The following RIMBP2 variants were observed in gnomAD, a reference collection of about 807,000 sequenced individuals.
The protein encoded by RIMBP2 is RIMS-binding protein 2.
In RIMBP2, 48 loss-of-function variants were observed where a neutral mutation model predicts 118.6. That is an observed-to-expected ratio of 0.40 (90% confidence interval 0.32 to 0.51). The LOEUF is 0.51. Ranked by LOEUF, RIMBP2 falls within the 20% of genes least tolerant of loss-of-function variation. The pLI is 0.41. For missense variants in RIMBP2, 1,551 were observed against 1,768.3 expected (o/e 0.88, Z 2.20); for synonymous variants, 762 against 742.9 (o/e 1.03, Z -0.42).
chr12:130,425,181 T>C, intron 15 of RIMBP2: 1 of 233,828 alleles, frequency 4.3e-6, no homozygotes, highest in Admixed American at 5.7e-5. Context: ...GTGCCCACGG[T>C]ACCGCTGCTG....
At chr12:130,696,754 C>T (rs1233498172) in intron 1 of RIMBP2, among the ~76,000 whole-genome samples, 2 of 152,200 alleles carry the variant, frequency 1.3e-5, no homozygotes, top group Non-Finnish European at 2.9e-5. Flanking sequence ...AATAAGTGTG[C>T]TATTCTGTAA....
intron 2 of RIMBP2, among the ~76,000 whole-genome samples, chr12:130,594,232 G>A (rs1325671911): frequency 6.6e-6 from 1 of 152,200 alleles, no homozygotes; most frequent in African/African-American, 2.4e-5. Context: ...AAAGATCCCC[G>A]ACTCCCAATT....
At chr12:130,641,224 A>ATTTC (rs1036768450) in intron 1 of RIMBP2, among the ~76,000 whole-genome samples, 1 of 152,158 alleles carries the variant, frequency 6.6e-6, no homozygotes, top group African/African-American at 2.4e-5. Flanking sequence ...AAGGACAGAA[A>ATTTC]GCTAAATCGT....
intron 1 of RIMBP2, among the ~76,000 whole-genome samples, chr12:130,639,487 C>CAAAAAAAAAA (rs138670754): frequency 1.0e-4 from 9 of 88,060 alleles, no homozygotes; most frequent in African/African-American, 3.9e-4. Context: ...GATCCTGCCT[C>CAAAAAAAAAA]AAAAAAAAAA....
At chr12:130,569,506 C>A (rs1043487959) in intron 2 of RIMBP2, among the ~76,000 whole-genome samples, 1 of 152,210 alleles carries the variant, frequency 6.6e-6, no homozygotes, top group Non-Finnish European at 1.5e-5. Flanking sequence ...AACTGACATG[C>A]GCTATGGTTT....
rs1174782557 is a variant in RIMBP2, at chr12:130,437,277, G to A, written c.1671C>T (p.Ile557=). 1 of 1,578,158 alleles carries A rather than the reference G, an allele frequency of 6.3e-7. No homozygotes were observed. The highest frequency in any genetic ancestry group is 1.8e-5 in the Admixed American group (1 of 57,080). The change falls in exon 13 of 23, where the codon ATC becomes ATT. Residue 557 remains isoleucine (I), a synonymous_variant. Coordinates refer to ENST00000690449, the MANE Select transcript of RIMBP2 (RefSeq NM_001393629.1). ...YAKGQRVAEV[I]FPTADSTAVE... is the part of the protein sequence containing the mutation. ...CGGCCGTGCTGTCTGCCGTGGGGAAGATGACTTCAGCCACCTGTGGACAAG... is the reference window on the plus strand; with the variant it reads ...CGGCCGTGCTGTCTGCCGTGGGGAAAATGACTTCAGCCACCTGTGGACAAG...
At chr12:130,636,808 C>T (rs1287981900) in intron 1 of RIMBP2, among the ~76,000 whole-genome samples, 24 of 152,170 alleles carry the variant, frequency 1.6e-4, no homozygotes, top group Admixed American at 1.6e-3. Flanking sequence ...CTGGATCAAG[C>T]TGTAACTGAA....
At chr12:130,615,584 T>C (rs1014934431) in intron 2 of RIMBP2, among the ~76,000 whole-genome samples, 1 of 151,926 alleles carries the variant, frequency 6.6e-6, no homozygotes, top group African/African-American at 2.4e-5. Flanking sequence ...AGTGCTGGGA[T>C]TATAGGTGTG....
intron 17 of RIMBP2, among the ~76,000 whole-genome samples, chr12:130,418,098 G>C (rs1324873985): frequency 6.6e-6 from 1 of 152,166 alleles, no homozygotes; most frequent in East Asian, 1.9e-4. Context: ...CAAACCGTTT[G>C]GCCTCTTTCA....
chr12:130,433,820 C>A lies in RIMBP2; in HGVS notation c.2253+914G>T, dbSNP rs188386606. ...GACGAGACAGAACTCAGACCCCTGACACACTGAGAGCCAAAAATCCACCTC... is the reference window on the plus strand; with the variant it reads ...GACGAGACAGAACTCAGACCCCTGAAACACTGAGAGCCAAAAATCCACCTC... On this transcript the variant is annotated intron_variant, in intron 14 of 22. Transcript: ENST00000690449. 2.6e-3 allele frequency among the ~76,000 whole-genome samples: 403 copies of A among 152,354 alleles called. 4 individuals carry two copies. The highest frequency in any genetic ancestry group is 9.5e-3 in the African/African-American group (393 of 41,580).
intron 7 of RIMBP2, among the ~76,000 whole-genome samples, chr12:130,453,824 C>T (rs148353862): frequency 1.3e-5 from 2 of 152,296 alleles, no homozygotes; most frequent in African/African-American, 4.8e-5. Flanking sequence ...GAGACCGAGG[C>T]AGGTAGATCA....
intron 2 of RIMBP2, among the ~76,000 whole-genome samples, chr12:130,531,162 T>A (rs1567993): frequency 2.1e-4 from 32 of 152,212 alleles, no homozygotes; most frequent in African/African-American, 7.5e-4. Flanking sequence ...CCAGATGGAT[T>A]TTTTCAGATA....
chr12:130,537,573 C>T (rs906795085), intron 2 of RIMBP2, among the ~76,000 whole-genome samples: 10 of 152,174 alleles, frequency 6.6e-5, no homozygotes, highest in Admixed American at 1.3e-4. Flanking sequence ...TCTGTGGGGT[C>T]ATCGGGAAGG....
Position 130,604,652 on chromosome 12 carries a change from C to T in RIMBP2, c.-217+23670G>A, listed in dbSNP as rs1295127906. On this transcript the variant is annotated intron_variant, in intron 2 of 22. Transcript: ENST00000690449. Reference sequence around the variant, plus strand: ...AGGCTGGAGTGCAGTGGCACGATCTCGGCTCACTGCAAGCTTTGCCTCCCG... The same window carrying T: ...AGGCTGGAGTGCAGTGGCACGATCTTGGCTCACTGCAAGCTTTGCCTCCCG... 3.7e-5 allele frequency among the ~76,000 whole-genome samples: 2 copies of T among 54,156 alleles called. 1 individual carries two copies. Among genetic ancestry groups the T allele is most frequent in the Non-Finnish European group, 7.1e-5 (2 of 28,362 alleles). The allele number at this position is 54,156 out of a possible 152,430, so 35.5% of individuals were successfully genotyped here. A position where few individuals can be genotyped will look rare whatever the true frequency, so the allele number is the denominator to read the frequency against.
chr12:130,482,752 T>C (rs1201639411), intron 4 of RIMBP2, among the ~76,000 whole-genome samples: 1 of 149,476 alleles, frequency 6.7e-6, no homozygotes, highest in African/African-American at 2.5e-5. Context: ...ATTGTGTGTG[T>C]ACATGTGTCA....
intron 22 of RIMBP2, chr12:130,399,050 C>A: frequency 1.2e-6 from 1 of 835,964 alleles, no homozygotes; most frequent in Non-Finnish European, 1.7e-6. Context: ...TTAAGTCTAC[C>A]ACACTGGCCC....
Position 130,445,191 on chromosome 12 carries a change from A to G in RIMBP2, c.660T>C (p.Tyr220=). The G allele has an allele frequency of 6.2e-7, 1 of 1,612,440 alleles. No individual in the cohort carries two copies. ...AGAACCCATCCTCATCCATGTCTCC[A>G]TAGACGTAGAGGTATTTTCCCGCCG... The part of the protein sequence containing the change: ...PLTAGKYLYV[Y]GDMDEDGFYE... Residue 220 remains tyrosine (Y), a synonymous_variant, in exon 10 of 23, where the codon TAT becomes TAC. Coordinates refer to ENST00000690449, the MANE Select transcript of RIMBP2 (RefSeq NM_001393629.1).
rs147881182 is a variant in RIMBP2, at chr12:130,442,576, G to A, written c.776C>T (p.Thr259Met). 65 of 1,614,198 alleles carry A rather than the reference G, an allele frequency of 4.0e-5. No individual in the cohort carries two copies. The highest frequency in any genetic ancestry group is 9.9e-5 in the South Asian group (9 of 91,088). ...GTTCTGATCCTGCTCGTTCCCCAGCGTGCTTGCCAACCGCGACTCGTTGTC... is the reference window on the plus strand; with the variant it reads ...GTTCTGATCCTGCTCGTTCCCCAGCATGCTTGCCAACCGCGACTCGTTGTC... The part of the protein sequence containing the change: ...VQDNESRLAS[T>M]LGNEQDQNFI... Residue 259 changes from threonine (T) to methionine (M), a missense_variant, in exon 11 of 23, where the codon ACG becomes ATG. By Grantham distance (81) the Thr-to-Met change is moderately conservative. Coordinates refer to ENST00000690449, the MANE Select transcript of RIMBP2 (RefSeq NM_001393629.1). This position sits in a 1 kb window ranked among gnomAD's most constrained non-coding sequence, Gnocchi z 6.9.
chr12:130,701,547 C>A (rs1444342223), intron 1 of RIMBP2, among the ~76,000 whole-genome samples: 2 of 151,980 alleles, frequency 1.3e-5, no homozygotes, highest in African/African-American at 2.4e-5. Flanking sequence ...CAGTCAGGCC[C>A]GCGTCTGAAC....
Sources: allele counts gnomAD v4.1 joint callset (sites outside exome capture counted in the v4.1 genomes callset), GRCh38; gene constraint gnomAD v4.1.1; non-coding constraint Gnocchi (gnomAD v3.1); transcripts MANE v1.5; gene names NCBI Gene and HGNC (gene_info 2026-07-23, HGNC 2026-07-21).